STK4: variants seen among roughly 807,000 people sequenced by gnomAD.
STK4 encodes serine/threonine-protein kinase 4.
A neutral mutation model predicts 64.9 loss-of-function variants in STK4; 30 were observed. The observed-to-expected ratio is 0.46, with a 90% confidence interval of 0.35 to 0.63. STK4 has a LOEUF of 0.63. STK4 is among the 20% of genes least tolerant of loss of function. STK4 has a pLI of 0.01. For synonymous variants in STK4, 177 were observed against 199.0 expected (o/e 0.89, Z 0.93); for missense variants, 466 against 598.5 (o/e 0.78, Z 2.31).
chr20:45,057,571 C>T (rs746857911), intron 10 of STK4, among the ~76,000 whole-genome samples: 76 of 152,172 alleles, frequency 5.0e-4, no homozygotes, highest in Non-Finnish European at 8.2e-4. Flanking sequence ...TCCCTATTCT[C>T]CCCTCTCCCA....
intron 9 of STK4, among the ~76,000 whole-genome samples, chr20:45,020,926 C>G (rs1254151539): frequency 1.3e-5 from 2 of 151,952 alleles, no homozygotes; most frequent in South Asian, 4.1e-4. Flanking sequence ...ATCCTCCTGC[C>G]TCAGCCTCCC....
At chr20:45,046,657 G>A (rs573195258) in intron 10 of STK4, among the ~76,000 whole-genome samples, 1 of 150,464 alleles carries the variant, frequency 6.6e-6, no homozygotes, top group African/African-American at 2.4e-5. Context: ...CTGCTAATTT[G>A]CTTTTCTTTT....
At chr20:45,017,181 T>C (rs1297910309) in intron 9 of STK4, among the ~76,000 whole-genome samples, 5 of 152,210 alleles carry the variant, frequency 3.3e-5, no homozygotes, top group African/African-American at 1.2e-4. Flanking sequence ...ATTCACTGCT[T>C]TCAGTAACTT....
chr20:44,981,444 T>C (rs141892779), intron 3 of STK4, among the ~76,000 whole-genome samples: 299 of 152,280 alleles, frequency 2.0e-3, no homozygotes, highest in African/African-American at 6.8e-3. Context: ...TGTGAGCCAC[T>C]GCACCTGGCC....
chr20:45,001,389 C>A, intron 9 of STK4, 36 bp downstream of exon 9: 1 of 1,580,486 alleles, frequency 6.3e-7, no homozygotes, highest in Non-Finnish European at 8.6e-7. Flanking sequence ...CTTCTTAGAC[C>A]AAGCATACAT....
rs374696417 is a variant in STK4 at position 45,007,002 on chromosome 20, TG to T, written c.1147+5651del. ...GGGTTTCTTTCCCGCTTTTGGCATC[TG>T]GAAGTTTTCGTTTTCTGGTTCTGAG... On this transcript the variant is annotated intron_variant, in intron 9 of 10. Transcript: ENST00000372806. Among the ~76,000 whole-genome samples, 214 of 152,344 alleles carry T rather than the reference TG, an allele frequency of 1.4e-3. 1 individual carries two copies. The highest frequency in any genetic ancestry group is 3.3e-3 in the Admixed American group (51 of 15,296).
rs553612401 is a variant in STK4 at position 44,982,039 on chromosome 20, G to A, written c.360+96G>A. 20 of 766,200 alleles carry A rather than the reference G, an allele frequency of 2.6e-5. No individual in the cohort carries two copies. The East Asian group carries it at 4.4e-4, about 17-fold the overall frequency. The allele number at this position is 766,200 out of a possible 1,614,324, so 47.5% of individuals were successfully genotyped here. On this transcript the variant is annotated intron_variant, in intron 4 of 10. Transcript: ENST00000372806. Reference sequence around the variant, plus strand: ...CAGGGCATTCTCCTACTAGAGAGACGACTGTCAGATTTCCCCTTTTCCATG... The same window carrying A: ...CAGGGCATTCTCCTACTAGAGAGACAACTGTCAGATTTCCCCTTTTCCATG...
chr20:45,070,802 C>T (rs564596739), intron 10 of STK4, among the ~76,000 whole-genome samples: 4 of 151,198 alleles, frequency 2.6e-5, no homozygotes, highest in African/African-American at 4.9e-5. Context: ...GCAGGAGAAT[C>T]GCTTGAACCC....
At chr20:44,977,439 A>G (rs1457172524) in intron 2 of STK4, among the ~76,000 whole-genome samples, 1 of 152,280 alleles carries the variant, frequency 6.6e-6, no homozygotes, top group East Asian at 1.9e-4. Context: ...AATATGAAAG[A>G]CAGTTTACTC....
rs1394864616 is a variant in STK4, at chr20:44,997,091, T to G, written c.694-78T>G. 3.1e-6 allele frequency: 5 copies of G among 1,588,576 alleles called. No homozygotes were observed. The African/African-American group carries it at 6.8e-5, about 21-fold the overall frequency. ...AAAATCATTTACCAAGCTTCAAATG[T>G]AATTCCACATGTATTTTTTATTGGA... On this transcript the variant is annotated intron_variant, in intron 6 of 10. Transcript: ENST00000372806.
At chr20:45,071,863 T>C (rs1295028689) in intron 10 of STK4, among the ~76,000 whole-genome samples, 1 of 152,122 alleles carries the variant, frequency 6.6e-6, no homozygotes, top group Non-Finnish European at 1.5e-5. Flanking sequence ...TGGAGTGGGC[T>C]CAAGCGATCC....
At chr20:44,992,307 G>A (rs1220211767) in intron 5 of STK4, among the ~76,000 whole-genome samples, 1 of 151,526 alleles carries the variant, frequency 6.6e-6, no homozygotes, top group African/African-American at 2.4e-5. Flanking sequence ...CACCCAGGCT[G>A]GAGTACAGTG....
intron 10 of STK4, among the ~76,000 whole-genome samples, chr20:45,073,412 A>G (rs1307702673): frequency 6.6e-6 from 1 of 152,130 alleles, no homozygotes; most frequent in African/African-American, 2.4e-5. Flanking sequence ...CTGTGGTGAC[A>G]GGCCATTTCT....
intron 10 of STK4, among the ~76,000 whole-genome samples, chr20:45,028,546 G>A (rs1488971061): frequency 6.6e-6 from 1 of 152,024 alleles, no homozygotes; most frequent in Non-Finnish European, 1.5e-5. Context: ...CAGCTCATCT[G>A]GAACACCTGG....
chr20:45,026,458 C>T (rs1371724154), intron 10 of STK4, among the ~76,000 whole-genome samples: 1 of 151,800 alleles, frequency 6.6e-6, no homozygotes, highest in African/African-American at 2.4e-5. Flanking sequence ...GCAGGAATAG[C>T]AGATGCAAAG....
rs6130717 is a variant in STK4 at position 44,972,032 on chromosome 20, C to G, written c.36-46C>G. ...AAAAGATATATTTTATGTTCTAGTTCCTAGCAAATAAAATGTATTTTGTGT... is the reference window on the plus strand; with the variant it reads ...AAAAGATATATTTTATGTTCTAGTTGCTAGCAAATAAAATGTATTTTGTGT... On this transcript the variant is annotated intron_variant, in intron 1 of 10. Coordinates refer to ENST00000372806, the MANE Select transcript of STK4 (RefSeq NM_006282.5). 0.47 allele frequency: 727,496 copies of G among 1,547,962 alleles called. 175,804 individuals are homozygous for G. Among genetic ancestry groups the G allele is most frequent in the African/African-American group, 0.61 (44,642 of 73,170 alleles).
intron 2 of STK4, chr20:44,975,370 G>A (rs2067322013): frequency 7.1e-6 from 7 of 984,566 alleles, no homozygotes; most frequent in Non-Finnish European, 8.4e-6. Context: ...AACTTCATGT[G>A]AGCTATTGGA....
intron 9 of STK4, among the ~76,000 whole-genome samples, chr20:45,014,908 T>C (rs1878160296): frequency 6.6e-6 from 1 of 152,164 alleles, no homozygotes; most frequent in Non-Finnish European, 1.5e-5. Context: ...ATTCAGTGAA[T>C]TGAAGGGAGT....
At chr20:45,067,050 A>G (rs1979634303) in intron 10 of STK4, among the ~76,000 whole-genome samples, 1 of 152,170 alleles carries the variant, frequency 6.6e-6, no homozygotes, top group South Asian at 2.1e-4. Flanking sequence ...AAATAGTAAC[A>G]TACTCGCATC....
Sources: allele counts gnomAD v4.1 joint callset (sites outside exome capture counted in the v4.1 genomes callset), GRCh38; gene constraint gnomAD v4.1.1; transcripts MANE v1.5; gene names NCBI Gene and HGNC (gene_info 2026-07-23, HGNC 2026-07-21).